Variants in IL17RA observed in about 807,000 individuals in gnomAD.
IL17RA encodes interleukin-17 receptor A.
A neutral mutation model predicts 50.4 loss-of-function variants in IL17RA; 34 were observed. That is an observed-to-expected ratio of 0.67 (90% CI 0.51 to 0.90). IL17RA has a LOEUF of 0.90. IL17RA is among the 40% of genes least tolerant of loss of function. The pLI is 0.00. For missense variants in IL17RA, 1,276 were observed against 1,169.8 expected (o/e 1.09, Z -1.32); for synonymous variants, 585 against 510.4 (o/e 1.15, Z -1.97).
chr22:17,105,173 G>A (rs906308887), intron 9 of IL17RA, among the ~76,000 whole-genome samples: 28 of 152,246 alleles, frequency 1.8e-4, no homozygotes, highest in Admixed American at 6.5e-4. Flanking sequence ...TGTGAGTCAC[G>A]GTACTATGCA....
At chr22:17,094,691 C>CTCTCTATATATATATATATATATA (rs1448096911) in intron 1 of IL17RA, among the ~76,000 whole-genome samples, 2 of 24,698 alleles carry the variant, frequency 8.1e-5, no homozygotes, top group African/African-American at 4.5e-4. Context: ...CTCTCTCTCT[C>CTCTCTATATATATATATATATATA]TATATATATA....
chr22:17,086,302 G>A (rs528229292), intron 1 of IL17RA, among the ~76,000 whole-genome samples: 22 of 152,104 alleles, frequency 1.4e-4, no homozygotes, highest in African/African-American at 5.1e-4. Flanking sequence ...AAAACAAAGG[G>A]ATATTTCTCC....
intron 7 of IL17RA, 109 bp downstream of exon 7, chr22:17,102,411 T>A (rs950193347): frequency 1.7e-6 from 2 of 1,199,466 alleles, no homozygotes; most frequent in African/African-American, 3.0e-5. Context: ...AGCTCGCGAC[T>A]CAGGGCTGTG....
intron 4 of IL17RA, among the ~76,000 whole-genome samples, 191 bp from the exon 5 acceptor site, chr22:17,100,164 G>T (rs1388082967): frequency 8.0e-6 from 1 of 125,166 alleles, no homozygotes; most frequent in South Asian, 2.5e-4. Flanking sequence ...AAAAAAAACA[G>T]GCAGAAAGGA....
intron 11 of IL17RA, among the ~76,000 whole-genome samples, chr22:17,106,800 A>G (rs533877753): frequency 6.6e-6 from 1 of 152,362 alleles, no homozygotes; most frequent in East Asian, 1.9e-4. Context: ...AATAACATTC[A>G]GTAGCATCTC....
chr22:17,098,065 A>C lies in IL17RA; in HGVS notation c.310+122A>C, dbSNP rs572549422. On this transcript the variant is annotated intron_variant, in intron 3 of 12. Coordinates refer to ENST00000319363, the MANE Select transcript of IL17RA (RefSeq NM_014339.7). ...GACATGGGGGTTCAAATTTAGTGCT[A>C]TAAGGATCCGTCATTTCATGCAGTC... is the stretch of plus-strand genomic sequence containing the variant. 15 of 1,145,718 alleles carry C rather than the reference A, an allele frequency of 1.3e-5. No homozygotes were observed. In the African/African-American group the frequency reaches 2.3e-4, roughly 17 times the overall value. 71.0% of individuals were successfully genotyped at this position (1,145,718 alleles called of 1,614,324 possible).
rs1323952949 is a variant in IL17RA at position 17,085,199 on chromosome 22, G to A, written c.108G>A (p.Leu36=). 1.3e-6 allele frequency: 2 copies of A among 1,531,718 alleles called. No individual in the cohort carries two copies. Among genetic ancestry groups the A allele is most frequent in the Non-Finnish European group, 1.7e-6 (2 of 1,143,888 alleles). The allele number at this position is 1,531,718 out of a possible 1,614,324, so 94.9% of individuals were successfully genotyped here. The part of the protein sequence containing the change: ...LAPGGASLRL[L]DHRALVCSQP... ...CGGGTGGCGCCTCCCTGCGACTCCT[G>A]GACCACCGGGCGCTGGTCTGCTCCC... Residue 36 remains leucine, a synonymous_variant, in exon 1 of 13, where the codon CTG becomes CTA. Transcript: ENST00000319363.
Position 17,108,408 on chromosome 22 carries a change from A to C in IL17RA, c.1189A>C (p.Lys397Gln), listed in dbSNP as rs772488643. 40 of 1,613,906 alleles carry C rather than the reference A, an allele frequency of 2.5e-5. 1 individual carries two copies. The South Asian group carries it at 4.3e-4, about 17-fold the overall frequency. Residue 397 changes from lysine to glutamine, a missense_variant, in exon 13 of 13, where the codon AAA becomes CAA. Lys to Gln is a moderately conservative substitution (Grantham distance 53). Transcript: ENST00000319363. ...DHPLYVDVVL[K>Q]FAQFLLTACG... is the part of the protein sequence containing the mutation. Reference sequence around the variant, plus strand: ...CCCCCTCTACGTGGACGTGGTCCTGAAATTCGCCCAGTTCCTGCTCACCGC... The same window carrying C: ...CCCCCTCTACGTGGACGTGGTCCTGCAATTCGCCCAGTTCCTGCTCACCGC...
chr22:17,097,886 A>G lies in IL17RA; in HGVS notation c.253A>G (p.Thr85Ala), dbSNP rs1251029214. The G allele has an allele frequency of 1.9e-6, 3 of 1,614,078 alleles. No homozygotes were observed. In the East Asian group the frequency reaches 6.7e-5, roughly 36 times the overall value. ...DLQIQLHFAHTQQGDLFPVAH... is the reference protein window; with the variant it reads ...DLQIQLHFAHAQQGDLFPVAH... ...GCAGATCCAGCTGCACTTTGCCCAC[A>G]CCCAACAAGGAGACCTGTTCCCCGT... Residue 85 changes from threonine to alanine, a missense_variant, in exon 3 of 13, where the codon ACC becomes GCC. Physicochemically the swap from Thr to Ala is moderately conservative, Grantham distance 58 (BLOSUM62 0). Coordinates refer to ENST00000319363, the MANE Select transcript of IL17RA (RefSeq NM_014339.7).
At chr22:17,088,106 G>A (rs1420827080) in intron 1 of IL17RA, among the ~76,000 whole-genome samples, 1 of 152,172 alleles carries the variant, frequency 6.6e-6, no homozygotes, top group Non-Finnish European at 1.5e-5. Context: ...GCTTTTGAGA[G>A]GCTGGGTTAT....
At chr22:17,105,673 C>A (rs2061411058) in intron 10 of IL17RA, 71 bp downstream of exon 10, 14 of 1,566,192 alleles carry the variant, frequency 8.9e-6, no homozygotes, top group Non-Finnish European at 1.1e-5. Flanking sequence ...CTTGAGAAGT[C>A]CCTGCCTCAG....
In IL17RA at chr22:17,109,852, G is replaced by A. The variant is rs777456714; in HGVS notation, c.*32G>A. 4.5e-6 allele frequency: 7 copies of A among 1,540,608 alleles called. No homozygotes were observed. In the South Asian group the frequency reaches 4.8e-5, roughly 10 times the overall value. ...CTCCCCAGGGACCGCCCAGATCCCA[G>A]CTTTGAGAGAGGAGTGTGTGTGCAC... On this transcript the variant is annotated 3_prime_UTR_variant, in exon 13 of 13. Coordinates refer to ENST00000319363, the MANE Select transcript of IL17RA (RefSeq NM_014339.7).
intron 10 of IL17RA, 122 bp downstream of exon 10, chr22:17,105,724 G>GTC (rs200937197): frequency 1.4e-6 from 2 of 1,386,574 alleles, no homozygotes; most frequent in Non-Finnish European, 2.0e-6. Context: ...CCGGGGTGGG[G>GTC]GGTGAGACCA....
At position 17,104,797 on chromosome 22, in the gene IL17RA, G is replaced by T. The variant is rs761989355; in HGVS notation, c.918G>T (p.Met306Ile). 6.2e-7 allele frequency: 1 copy of T among 1,614,142 alleles called. No homozygotes were observed. Among genetic ancestry groups the T allele is most frequent in the South Asian group, 1.1e-5 (1 of 91,090 alleles). Reference protein sequence around the residue: ...RHSATVSCPEMPDTPEPIPDY... With the variant: ...RHSATVSCPEIPDTPEPIPDY... ...CCGCGACTGTTTCCTGCCCAGAAAT[G>T]CCAGACACTCCAGGTAGGGGACATG... Residue 306 changes from methionine (M) to isoleucine (I), a missense_variant, in exon 9 of 13, where the codon ATG (methionine) becomes ATT (isoleucine). Transcript: ENST00000319363.
At position 17,099,787 on chromosome 22, in the gene IL17RA, G is replaced by A. The variant is rs574000945; in HGVS notation, c.424-568G>A. Among the ~76,000 whole-genome samples, 3 of 152,260 alleles carry A rather than the reference G, an allele frequency of 2.0e-5. No individual in the cohort carries two copies. The South Asian group carries it at 6.2e-4, about 32-fold the overall frequency. On this transcript the variant is annotated intron_variant, in intron 4 of 12. Transcript: ENST00000319363. ...AGAATGGGGGTTGGAGTCGATGTCT[G>A]TAATCTCTAACACCCAGAAAATAAC...
intron 8 of IL17RA, among the ~76,000 whole-genome samples, chr22:17,103,793 G>A (rs1190936505): frequency 4.7e-4 from 70 of 149,176 alleles, no homozygotes; most frequent in African/African-American, 1.7e-3. Flanking sequence ...GGAGAGTGGT[G>A]TGGACGGGAG....
In IL17RA at chr22:17,109,644, A is replaced by T. The variant is rs1248088916; in HGVS notation, c.2425A>T (p.Thr809Ser). The change falls in exon 13 of 13, where the codon ACG becomes TCG. Residue 809 changes from threonine to serine, a missense_variant. Thr to Ser is a moderately conservative substitution (Grantham distance 58, BLOSUM62 1). Coordinates refer to ENST00000319363, the MANE Select transcript of IL17RA (RefSeq NM_014339.7). ...RSSPQPPEGLTEMEEEEEEEQ... is the reference protein window; with the variant it reads ...RSSPQPPEGLSEMEEEEEEEQ... ...CTCCCCGCAGCCCCCCGAGGGACTC[A>T]CGGAAATGGAGGAAGAGGAGGAAGA... 6.2e-7 allele frequency: 1 copy of T among 1,608,192 alleles called. No individual in the cohort carries two copies. Among genetic ancestry groups the T allele is most frequent in the East Asian group, 2.2e-5 (1 of 44,674 alleles).
intron 9 of IL17RA, 71 bp from the exon 10 acceptor site, chr22:17,105,520 G>T: frequency 6.7e-7 from 1 of 1,486,716 alleles, no homozygotes; most frequent in Non-Finnish European, 9.4e-7. Context: ...AGGGACGTCA[G>T]TTGTGTTTCT....
intron 4 of IL17RA, among the ~76,000 whole-genome samples, chr22:17,099,607 C>G (rs989449041): frequency 1.3e-5 from 2 of 151,946 alleles, no homozygotes; most frequent in Admixed American, 1.3e-4. Context: ...CACTTGAAAA[C>G]AAGTTAGATC....
Sources: gnomAD v4.1 joint callset for allele counts (sites outside exome capture counted in the v4.1 genomes callset) on GRCh38, gnomAD v4.1.1 for gene constraint, MANE v1.5 for transcripts, NCBI Gene and HGNC (gene_info 2026-07-23, HGNC 2026-07-21) for gene names.